The following PPME1 variants were observed in gnomAD, a reference collection of about 807,000 sequenced individuals.
PPME1 encodes the protein protein phosphatase methylesterase 1.
PPME1 carries 17 observed loss-of-function variants against 56.9 expected under a neutral mutation model. The ratio of observed to expected loss-of-function variants is 0.30; its 90% CI spans 0.20 to 0.45. The LOEUF (loss-of-function observed/expected upper bound fraction) is 0.45, where lower values mean the gene tolerates loss of function less well. PPME1 is among the 20% of genes least tolerant of loss of function. The probability of loss-of-function intolerance (pLI) is 1.00; values close to 1 mark genes in which losing one functional copy is unlikely to be tolerated. For missense variants in PPME1, 357 were observed against 483.2 expected (o/e 0.74, Z 2.45); for synonymous variants, 122 against 156.2 (o/e 0.78, Z 1.63).
chr11:74,253,623 C>A lies in PPME1; in HGVS notation c.*113C>A. 8.1e-7 allele frequency: 1 copy of A among 1,233,232 alleles called. No individual in the cohort carries two copies. Among genetic ancestry groups the A allele is most frequent in the Non-Finnish European group, 1.2e-6 (1 of 837,812 alleles). 76.4% of individuals were successfully genotyped at this position (1,233,232 alleles called of 1,614,324 possible). On this transcript the variant is annotated 3_prime_UTR_variant, in exon 14 of 14. Coordinates refer to ENST00000328257, the MANE Select transcript of PPME1 (RefSeq NM_016147.3). Reference sequence around the variant, plus strand: ...ATCCCGCCCAGCCATGTGACACTGGCTCCCGGTAGACGGGCACCCCGAGAT... The same window carrying A: ...ATCCCGCCCAGCCATGTGACACTGGATCCCGGTAGACGGGCACCCCGAGAT...
At chr11:74,252,017 C>T (rs1219056209) in intron 13 of PPME1, among the ~76,000 whole-genome samples, 1 of 151,918 alleles carries the variant, frequency 6.6e-6, no homozygotes, top group Non-Finnish European at 1.5e-5. Context: ...GGATAGGAAT[C>T]AGTCCTTTTC....
intron 13 of PPME1, among the ~76,000 whole-genome samples, chr11:74,253,190 C>A (rs11236036): frequency 4.4e-4 from 67 of 152,138 alleles, no homozygotes; most frequent in Non-Finnish European, 8.2e-4. Context: ...AAGCGACACC[C>A]CTATGCTGAG....
chr11:74,171,299 G>A lies in PPME1; in HGVS notation c.-123G>A, dbSNP rs138934989. 18 of 1,507,736 alleles carry A rather than the reference G, an allele frequency of 1.2e-5. No individual in the cohort carries two copies. In the East Asian group the frequency reaches 3.7e-4, roughly 31 times the overall value. The allele number at this position is 1,507,736 out of a possible 1,614,324, so 93.4% of individuals were successfully genotyped here. On this transcript the variant is annotated 5_prime_UTR_variant, in exon 1 of 14. Transcript: ENST00000328257. ...TGGGCGGTAGGCGGTGCTACGGGTA[G>A]CTGGGTGCTGTCCAAAGGCGACAGG...
At chr11:74,233,340 C>T (rs1859115725) in intron 7 of PPME1, among the ~76,000 whole-genome samples, 1 of 152,102 alleles carries the variant, frequency 6.6e-6, no homozygotes, top group Non-Finnish European at 1.5e-5. Flanking sequence ...AATTATTATA[C>T]TATGAGGTAT....
chr11:74,252,485 C>T (rs1264193842), intron 13 of PPME1: 11 of 456,654 alleles, frequency 2.4e-5, no homozygotes, highest in South Asian at 1.7e-4. Context: ...CTCTGCCAGG[C>T]TTGCTTCCCC....
intron 3 of PPME1, among the ~76,000 whole-genome samples, chr11:74,221,187 A>G (rs1410477084): frequency 6.6e-6 from 1 of 152,138 alleles, no homozygotes; most frequent in African/African-American, 2.4e-5. Context: ...CTGTTTTGTA[A>G]ACCTGGTTCT....
At chr11:74,201,062 G>T (rs1016365199) in intron 1 of PPME1, among the ~76,000 whole-genome samples, 1 of 151,226 alleles carries the variant, frequency 6.6e-6, no homozygotes, top group Admixed American at 6.6e-5. Flanking sequence ...TGCAAGCTCC[G>T]CCTCCCGGGT....
At chr11:74,216,994 GA>G in intron 3 of PPME1, among the ~76,000 whole-genome samples, 1 of 152,046 alleles carries the variant, frequency 6.6e-6, no homozygotes, top group Non-Finnish European at 1.5e-5. Context: ...TCCCAGTAAA[GA>G]AAAATGGGAC....
chr11:74,174,742 G>T (rs1857365500), intron 1 of PPME1, among the ~76,000 whole-genome samples: 2 of 152,192 alleles, frequency 1.3e-5, no homozygotes, highest in Admixed American at 6.5e-5. Flanking sequence ...TAAGTACTGT[G>T]TGCCAGACAT....
At chr11:74,186,312 C>A (rs1857681181) in intron 1 of PPME1, among the ~76,000 whole-genome samples, 1 of 152,168 alleles carries the variant, frequency 6.6e-6, no homozygotes, top group African/African-American at 2.4e-5. Flanking sequence ...CAAGGTTCTT[C>A]TCCCAATCAT....
At chr11:74,184,704 T>A (rs550123983) in intron 1 of PPME1, among the ~76,000 whole-genome samples, 1 of 152,202 alleles carries the variant, frequency 6.6e-6, no homozygotes, top group African/African-American at 2.4e-5. Context: ...TTATGAGCTC[T>A]GATGGATTAT....
intron 1 of PPME1, among the ~76,000 whole-genome samples, chr11:74,181,607 A>G (rs1407393220): frequency 6.6e-6 from 1 of 152,206 alleles, no homozygotes; most frequent in East Asian, 1.9e-4. Flanking sequence ...TGTGCTTTCT[A>G]CTGTAACACA....
intron 1 of PPME1, among the ~76,000 whole-genome samples, chr11:74,192,226 C>G (rs1171837068): frequency 6.6e-6 from 1 of 152,166 alleles, no homozygotes; most frequent in African/African-American, 2.4e-5. Flanking sequence ...TAATGACTAC[C>G]CTGCTGGGTT....
intron 1 of PPME1, among the ~76,000 whole-genome samples, chr11:74,197,497 G>A (rs1040639215): frequency 1.3e-5 from 2 of 152,162 alleles, no homozygotes; most frequent in Non-Finnish European, 2.9e-5. Flanking sequence ...GAGTAACCAA[G>A]AGATGAAAGG....
At chr11:74,251,369 T>G (rs1252100396) in intron 12 of PPME1, 4 of 1,357,312 alleles carry the variant, frequency 2.9e-6, no homozygotes, top group African/African-American at 1.5e-5. Context: ...TAATATGGGC[T>G]CCTCCTGTGA....
At chr11:74,227,857 C>T (rs577386806) in intron 5 of PPME1, among the ~76,000 whole-genome samples, 87 of 152,112 alleles carry the variant, frequency 5.7e-4, no homozygotes, top group African/African-American at 2.0e-3. Context: ...TCGTAACTAC[C>T]TTCTACCTGG....
chr11:74,201,746 A>T (rs1001753828), intron 1 of PPME1, among the ~76,000 whole-genome samples: 1 of 152,228 alleles, frequency 6.6e-6, no homozygotes, highest in Non-Finnish European at 1.5e-5. Context: ...CATAGTGAAT[A>T]TTATGTACTA....
intron 1 of PPME1, among the ~76,000 whole-genome samples, chr11:74,185,602 T>G (rs1857658731): frequency 6.7e-6 from 1 of 150,270 alleles, no homozygotes; most frequent in Admixed American, 6.6e-5. Flanking sequence ...TTCAGTGGCT[T>G]TTTTTTTTGT....
chr11:74,181,199 C>T (rs1337912756), intron 1 of PPME1, among the ~76,000 whole-genome samples: 3 of 151,838 alleles, frequency 2.0e-5, no homozygotes, highest in African/African-American at 7.3e-5. Flanking sequence ...CGCCTGCCAC[C>T]GCGCCCGGCT....
Sources: gnomAD v4.1 joint callset for allele counts (sites outside exome capture counted in the v4.1 genomes callset) on GRCh38, gnomAD v4.1.1 for gene constraint, MANE v1.5 for transcripts, NCBI Gene and HGNC (gene_info 2026-07-23, HGNC 2026-07-21) for gene names.